CTNNA2: variants seen among roughly 807,000 people sequenced by gnomAD.
CTNNA2 encodes catenin alpha 2.
In CTNNA2, 42 loss-of-function variants were observed where a neutral mutation model predicts 101.0. The ratio of observed to expected loss-of-function variants is 0.42; its 90% CI spans 0.32 to 0.54. CTNNA2 has a LOEUF of 0.54. Ranked by LOEUF, CTNNA2 falls within the 20% of genes least tolerant of loss-of-function variation. The probability of loss-of-function intolerance (pLI) is 0.14; values close to 1 mark genes in which losing one functional copy is unlikely to be tolerated. For synonymous variants in CTNNA2, 450 were observed against 456.4 expected (o/e 0.99, Z 0.18); for missense variants, 871 against 1,223.1 (o/e 0.71, Z 4.29).
intron 2 of CTNNA2, among the ~76,000 whole-genome samples, chr2:79,730,325 G>A (rs1474730835): frequency 6.6e-6 from 1 of 152,004 alleles, no homozygotes; most frequent in Admixed American, 6.6e-5. Context: ...GAGCAAGGTG[G>A]CATTATTAAT....
chr2:80,309,562 A>T (rs1486412388), intron 7 of CTNNA2, among the ~76,000 whole-genome samples: 3 of 152,204 alleles, frequency 2.0e-5, no homozygotes. Context: ...AACCCTATAC[A>T]AGTCACTTCT....
At position 79,904,818 on chromosome 2, in the gene CTNNA2, C is replaced by T. The variant is rs115425703; in HGVS notation, c.853-4776C>T. ...CTCATTGTATACTGAAATTTTAGAT[C>T]ACATAGCTTTTTGTGGAGACAATGA... On this transcript the variant is annotated intron_variant, in intron 6 of 18. Transcript: ENST00000402739. Among the ~76,000 whole-genome samples the T allele has an allele frequency of 9.2e-5, 14 of 152,260 alleles. 1 individual carries two copies. The South Asian group carries it at 2.7e-3, about 29-fold the overall frequency.
intron 7 of CTNNA2, among the ~76,000 whole-genome samples, chr2:80,269,268 G>A (rs994570484): frequency 1.3e-5 from 2 of 152,150 alleles, no homozygotes; most frequent in African/African-American, 4.8e-5. Flanking sequence ...TCTCGTGATA[G>A]TAAATGCTCA....
chr2:80,331,195 G>C (rs1671294975), intron 7 of CTNNA2, among the ~76,000 whole-genome samples: 1 of 152,156 alleles, frequency 6.6e-6, no homozygotes, highest in Admixed American at 6.5e-5. Flanking sequence ...AGGCAGAGCA[G>C]CCACGACTGT....
chr2:79,897,020 C>T (rs910976353), intron 6 of CTNNA2, among the ~76,000 whole-genome samples: 1 of 152,126 alleles, frequency 6.6e-6, no homozygotes, highest in Admixed American at 6.6e-5. Flanking sequence ...GCATCTTAGT[C>T]ATGAACTGAG....
chr2:79,811,590 C>T (rs1485788113), intron 3 of CTNNA2, among the ~76,000 whole-genome samples: 1 of 152,104 alleles, frequency 6.6e-6, no homozygotes, highest in Non-Finnish European at 1.5e-5. Context: ...TTTATATGTC[C>T]ATACCTTTGC....
intron 1 of CTNNA2, among the ~76,000 whole-genome samples, chr2:79,528,378 A>T (rs1409183633): frequency 6.7e-6 from 1 of 149,468 alleles, no homozygotes; most frequent in Admixed American, 6.7e-5. Context: ...TGCTTGGCTG[A>T]TTATTATTAT....
chr2:79,733,393 T>C (rs1305173573), intron 2 of CTNNA2, among the ~76,000 whole-genome samples: 1 of 152,122 alleles, frequency 6.6e-6, no homozygotes, highest in Admixed American at 6.6e-5. Context: ...GTGTCAGCTA[T>C]GTGTTTTCTT....
At chr2:80,499,786 A>G (rs1168839014) in intron 9 of CTNNA2, among the ~76,000 whole-genome samples, 1 of 152,032 alleles carries the variant, frequency 6.6e-6, no homozygotes, top group Non-Finnish European at 1.5e-5. Context: ...ATGCCACTAC[A>G]CTCCAGCCTG....
intron 8 of CTNNA2, among the ~76,000 whole-genome samples, chr2:80,409,030 A>C (rs796137863): frequency 5.3e-5 from 8 of 152,306 alleles, no homozygotes; most frequent in African/African-American, 1.9e-4. Context: ...AAAACAGGAC[A>C]TGCACAGGAT....
chr2:79,468,194 C>A (rs1416806812), intron 4 of CTNNA2, among the ~76,000 whole-genome samples: 56 of 151,776 alleles, frequency 3.7e-4, no homozygotes, highest in Non-Finnish European at 2.9e-5. Flanking sequence ...ATCTACCGAG[C>A]AAATGGAGAA....
At chr2:79,568,465 T>C (rs1010693579) in intron 1 of CTNNA2, among the ~76,000 whole-genome samples, 1 of 151,362 alleles carries the variant, frequency 6.6e-6, no homozygotes, top group Non-Finnish European at 1.5e-5. Context: ...TAGCCAGTAG[T>C]GGTGGCACGT....
intron 2 of CTNNA2, among the ~76,000 whole-genome samples, chr2:79,271,331 C>T (rs1017371628): frequency 1.3e-5 from 2 of 151,872 alleles, no homozygotes; most frequent in African/African-American, 4.8e-5. Context: ...GTGGCTTCCC[C>T]CTGTAATGCA....
intron 7 of CTNNA2, among the ~76,000 whole-genome samples, chr2:79,974,795 GA>G (rs1690722316): frequency 6.6e-6 from 1 of 152,164 alleles, no homozygotes; most frequent in Non-Finnish European, 1.5e-5. Context: ...GTTATAAAGT[GA>G]AAATGCTAAG....
intron 7 of CTNNA2, among the ~76,000 whole-genome samples, chr2:80,002,497 T>C (rs574382868): frequency 6.6e-6 from 1 of 152,296 alleles, no homozygotes; most frequent in African/African-American, 2.4e-5. Flanking sequence ...TATTACACTT[T>C]GTGAAATCCT....
At chr2:80,567,091 G>A (rs2149686503) in intron 12 of CTNNA2, among the ~76,000 whole-genome samples, 1 of 152,280 alleles carries the variant, frequency 6.6e-6, no homozygotes, top group South Asian at 2.1e-4. Flanking sequence ...TATTTGCGAA[G>A]TAGACGTATA....
At position 79,648,240 on chromosome 2, in the gene CTNNA2, A is replaced by G. The variant is rs1447434886; in HGVS notation, c.-5-3312A>G. ...TGCTTGTCAGAGGGGCCACATACCA[A>G]ATCATCAATTCATATTTTCTGACTA... On this transcript the variant is annotated intron_variant, in intron 1 of 18. Coordinates refer to ENST00000402739, the MANE Select transcript of CTNNA2 (RefSeq NM_001282597.3). Among the ~76,000 whole-genome samples the G allele has an allele frequency of 3.3e-5, 5 of 152,248 alleles. No homozygotes were observed. In the South Asian group the frequency reaches 8.3e-4, roughly 25 times the overall value.
chr2:79,633,207 G>A (rs1679808438), intron 1 of CTNNA2, among the ~76,000 whole-genome samples: 1 of 152,164 alleles, frequency 6.6e-6, no homozygotes, highest in Admixed American at 6.5e-5. Flanking sequence ...ATTATCATAA[G>A]AGACATAAGC....
In CTNNA2 at chr2:79,193,650, A is replaced by C. The variant is rs534685858; in HGVS notation, c.-523-4309A>C. Among the ~76,000 whole-genome samples, 3 of 152,322 alleles carry C rather than the reference A, an allele frequency of 2.0e-5. No homozygotes were observed. The South Asian group carries it at 6.2e-4, about 32-fold the overall frequency. On this transcript the variant is annotated intron_variant, in intron 1 of 21. Transcript: ENST00000466387. The stretch of plus-strand genomic sequence containing the variant: ...CCATTTTTGACCTCCAATTTCAAAT[A>C]GGGCATCTCTAGTAGGCTTTGAGGG...
Sources: gnomAD v4.1 joint callset for allele counts (sites outside exome capture counted in the v4.1 genomes callset) on GRCh38, gnomAD v4.1.1 for gene constraint, MANE v1.5 for transcripts, NCBI Gene and HGNC (gene_info 2026-07-23, HGNC 2026-07-21) for gene names.